CLEC1A: variants seen among roughly 807,000 people sequenced by gnomAD.
CLEC1A encodes the protein C-type lectin domain family 1 member A.
A neutral mutation model predicts 28.7 loss-of-function variants in CLEC1A; 34 were observed. The observed-to-expected ratio is 1.18, with a 90% confidence interval of 0.90 to 1.57. The LOEUF is 1.57. CLEC1A is among the 40% of genes most tolerant of loss of function. CLEC1A has a pLI of 0.00. For missense variants in CLEC1A, 385 were observed against 339.5 expected, an observed-to-expected ratio of 1.13 and a Z score of -1.05; for synonymous variants, 116 against 121.0, an observed-to-expected ratio of 0.96 and a Z score of 0.27.
At position 10,071,069 on chromosome 12, in the gene CLEC1A, A is replaced by T; in HGVS notation, c.*264T>A. 3.5e-6 allele frequency: 1 copy of T among 287,344 alleles called. No homozygotes were observed. The highest frequency in any genetic ancestry group is 6.4e-6 in the Non-Finnish European group (1 of 155,678). 17.8% of individuals were successfully genotyped at this position (287,344 alleles called of 1,614,324 possible). A position where few individuals can be genotyped will look rare whatever the true frequency, so the allele number is the denominator to read the frequency against. The stretch of plus-strand genomic sequence containing the variant: ...TTGAGAAGAAAGAGAGCTAAAAGTT[A>T]TCTCTAAGCCAAGAAGGCAGATGAC... On this transcript the variant is annotated 3_prime_UTR_variant, in exon 6 of 6. Coordinates refer to ENST00000315330, the MANE Select transcript of CLEC1A (RefSeq NM_016511.4).
intron 4 of CLEC1A, among the ~76,000 whole-genome samples, chr12:10,074,650 T>C (rs576482135): frequency 6.6e-6 from 1 of 152,250 alleles, no homozygotes; most frequent in East Asian, 1.9e-4. Flanking sequence ...GTCAAAGAAA[T>C]TGCCTCGCTT....
chr12:10,088,782 C>G (rs1866553542), intron 2 of CLEC1A, among the ~76,000 whole-genome samples: 1 of 152,072 alleles, frequency 6.6e-6, no homozygotes, highest in Non-Finnish European at 1.5e-5. Flanking sequence ...CTTGTATTCT[C>G]AGAGCCCAAA....
intron 1 of CLEC1A, among the ~76,000 whole-genome samples, chr12:10,093,715 C>T (rs6488254): frequency 0.76 from 114,874 of 151,922 alleles, 45,192 homozygotes; most frequent in Non-Finnish European, 0.88. Flanking sequence ...ACGCTATACT[C>T]TGCACACTTT....
At chr12:10,092,313 C>T (rs1056460142) in intron 1 of CLEC1A, 1 of 214,834 alleles carries the variant, frequency 4.7e-6, no homozygotes, top group Non-Finnish European at 1.0e-5. Context: ...GAGTTCGAGA[C>T]CAGCCTGAGC....
chr12:10,083,050 A>G (rs189003546), intron 2 of CLEC1A, among the ~76,000 whole-genome samples: 60 of 152,342 alleles, frequency 3.9e-4, no homozygotes, highest in African/African-American at 1.4e-3. Context: ...CTCTGCAGAC[A>G]TTCCCCAGCA....
chr12:10,083,960 A>G (rs548132379), intron 2 of CLEC1A, among the ~76,000 whole-genome samples: 2 of 151,902 alleles, frequency 1.3e-5, no homozygotes, highest in South Asian at 4.2e-4. Context: ...GCTTGAAGAC[A>G]AGGCTTTTGA....
At chr12:10,075,256 G>A (rs1468430955) in intron 4 of CLEC1A, among the ~76,000 whole-genome samples, 1 of 152,124 alleles carries the variant, frequency 6.6e-6, no homozygotes, top group African/African-American at 2.4e-5. Flanking sequence ...TTCTAACTTT[G>A]TTCCCTGAGA....
intron 3 of CLEC1A, among the ~76,000 whole-genome samples, chr12:10,077,500 T>G (rs1313617619): frequency 6.6e-6 from 1 of 152,134 alleles, no homozygotes; most frequent in East Asian, 1.9e-4. Context: ...GAAAATGAAC[T>G]GTTCTCAAAT....
chr12:10,097,767 G>A (rs3912645), intron 1 of CLEC1A, among the ~76,000 whole-genome samples: 114,802 of 152,012 alleles, frequency 0.76, 45,112 homozygotes, highest in Non-Finnish European at 0.88. Flanking sequence ...TGGACTCTTC[G>A]TAAGTTTTTT....
chr12:10,089,022 G>C (rs929360668), intron 2 of CLEC1A, 102 bp downstream of exon 2: 1 of 851,950 alleles, frequency 1.2e-6, no homozygotes, highest in African/African-American at 1.7e-5. Flanking sequence ...TTTTCCAAAG[G>C]CTAAGGAATT....
At chr12:10,084,927 C>T (rs1028851863) in intron 2 of CLEC1A, among the ~76,000 whole-genome samples, 1 of 151,364 alleles carries the variant, frequency 6.6e-6, no homozygotes, top group Non-Finnish European at 1.5e-5. Context: ...ATCAGAAACC[C>T]TACAAGGCAG....
At chr12:10,090,830 A>AT (rs999553854) in intron 1 of CLEC1A, among the ~76,000 whole-genome samples, 4 of 151,480 alleles carry the variant, frequency 2.6e-5, no homozygotes, top group Admixed American at 2.0e-4. Flanking sequence ...TTTTAAAAAA[A>AT]ATGGCAATTT....
In CLEC1A at chr12:10,071,363, G is replaced by A. The variant is rs759954835; in HGVS notation, c.813C>T (p.Val271=). 1.9e-6 allele frequency: 3 copies of A among 1,613,746 alleles called. No individual in the cohort carries two copies. The highest frequency in any genetic ancestry group is 8.5e-7 in the Non-Finnish European group (1 of 1,179,824). ...CACCTTCGCCTAATGTTTCAGGGGG[G>A]ACATGGAGGCTCTCTGGCTTCACCA... ...AGMVKPESLH[V]PPETLGEGD Residue 271 remains valine (V), a synonymous_variant, in exon 6 of 6, where the codon GTC becomes GTT. Transcript: ENST00000315330.
intron 2 of CLEC1A, among the ~76,000 whole-genome samples, chr12:10,087,464 C>A (rs1361939212): frequency 9.0e-6 from 1 of 110,600 alleles, no homozygotes; most frequent in Non-Finnish European, 1.7e-5. Flanking sequence ...AAAGGACATA[C>A]CTCAAAGTTA....
At position 10,070,555 on chromosome 12, in the gene CLEC1A, T is replaced by C. The variant is rs1866104303; in HGVS notation, c.*778A>G. ...ATAAATATGGGTCAATGGAAGAAAA[T>C]AGGAACTGAAACTATTACAGGTGCA... On this transcript the variant is annotated 3_prime_UTR_variant, in exon 6 of 6. Transcript: ENST00000315330. 2 of 152,170 alleles carry C rather than the reference T, an allele frequency of 1.3e-5. No homozygotes were observed. Among genetic ancestry groups the C allele is most frequent in the South Asian group, 4.1e-4 (2 of 4,830 alleles). The allele number at this position is 152,170 out of a possible 1,614,324, so 9.4% of individuals were successfully genotyped here.
chr12:10,098,863 C>T lies in CLEC1A; in HGVS notation c.60G>A (p.Met20Ile), dbSNP rs980862928. ...TGGCAGAGCCTTGAGAATGCAGGCTCATGGTGGTGTCCCCATCATCATCCA... is the reference window on the plus strand; with the variant it reads ...TGGCAGAGCCTTGAGAATGCAGGCTTATGGTGGTGTCCCCATCATCATCCA... ...DMLDDDGDTT[M>I]SLHSQGSATT... Residue 20 changes from methionine (M) to isoleucine (I), a missense_variant, in exon 1 of 6, where the codon ATG (methionine) becomes ATA (isoleucine). Coordinates refer to ENST00000315330, the MANE Select transcript of CLEC1A (RefSeq NM_016511.4). 1 of 1,613,706 alleles carries T rather than the reference C, an allele frequency of 6.2e-7. No homozygotes were observed. Among genetic ancestry groups the T allele is most frequent in the African/African-American group, 1.3e-5 (1 of 75,018 alleles).
chr12:10,098,733 A>G (rs1214938470), intron 1 of CLEC1A, 75 bp downstream of exon 1: 7 of 887,150 alleles, frequency 7.9e-6, no homozygotes, highest in Non-Finnish European at 1.2e-5. Context: ...AAATATCTCC[A>G]TTTCTAGGAG....
intron 5 of CLEC1A, among the ~76,000 whole-genome samples, 160 bp downstream of exon 5, chr12:10,073,133 C>T (rs1866171801): frequency 6.6e-6 from 1 of 152,020 alleles, no homozygotes; most frequent in Admixed American, 6.5e-5. Flanking sequence ...AATGAGGATG[C>T]ACTATTGTTC....
chr12:10,092,622 G>T, intron 1 of CLEC1A: 1 of 112,660 alleles, frequency 8.9e-6, no homozygotes, highest in Non-Finnish European at 2.1e-5. Flanking sequence ...ATAATATTGA[G>T]GACATAGGAG....
Sources: gnomAD v4.1 joint callset for allele counts (sites outside exome capture counted in the v4.1 genomes callset) on GRCh38, gnomAD v4.1.1 for gene constraint, MANE v1.5 for transcripts, NCBI Gene and HGNC (gene_info 2026-07-23, HGNC 2026-07-21) for gene names.